The following CHST8 variants were observed in gnomAD, a reference collection of about 807,000 sequenced individuals.
CHST8 encodes the protein carbohydrate sulfotransferase 8, also known as GALNAC-4-ST1.
A neutral mutation model predicts 15.0 loss-of-function variants in CHST8; 10 were observed. The ratio of observed to expected loss-of-function variants is 0.67; its 90% confidence interval spans 0.41 to 1.13. CHST8 has a LOEUF of 1.13. Ranked by LOEUF, CHST8 falls within the 50% of genes most tolerant of loss-of-function variation. The pLI, the probability that CHST8 is intolerant of heterozygous loss-of-function variation, is 0.00. For synonymous variants in CHST8, 259 were observed against 256.6 expected (o/e 1.01, Z -0.09); for missense variants, 634 against 608.2 (o/e 1.04, Z -0.45).
chr19:33,728,438 T>C (rs952056198), intron 3 of CHST8, among the ~76,000 whole-genome samples: 9 of 152,230 alleles, frequency 5.9e-5, no homozygotes, highest in African/African-American at 2.2e-4. Flanking sequence ...CAGTGATGTC[T>C]TTCAGGGTTG....
At chr19:33,690,007 C>T (rs948326130) in intron 3 of CHST8, among the ~76,000 whole-genome samples, 10 of 152,078 alleles carry the variant, frequency 6.6e-5, no homozygotes, top group Non-Finnish European at 1.2e-4. Flanking sequence ...TCAGGGCAGA[C>T]GGAGTGTGGA....
intron 3 of CHST8, among the ~76,000 whole-genome samples, chr19:33,712,828 C>G (rs1214328251): frequency 2.0e-5 from 3 of 152,136 alleles, no homozygotes; most frequent in Non-Finnish European, 4.4e-5. Flanking sequence ...GCTGGGATCC[C>G]CTGCTCAGTG....
chr19:33,713,165 TGCTCACTGTCATCC>T (rs1358826794), intron 3 of CHST8, among the ~76,000 whole-genome samples: 1 of 152,152 alleles, frequency 6.6e-6, no homozygotes, highest in Non-Finnish European at 1.5e-5. Flanking sequence ...AGCCTAGCAG[TGCTCACTGTCATCC>T]CAAGACCTAA....
In CHST8 at chr19:33,772,436, C is replaced by A. The variant is rs911543105; in HGVS notation, c.648C>A (p.Ala216=). The change falls in exon 5 of 5, where the codon GCC becomes GCA. Residue 216 remains alanine, a synonymous_variant. Transcript: ENST00000650847. ...KRVLMVLAGL[A]SSTADIQHNT... Reference sequence around the variant, plus strand: ...TGCTCATGGTGCTGGCCGGCCTGGCCTCGTCCACTGCCGACATCCAGCACA... The same window carrying A: ...TGCTCATGGTGCTGGCCGGCCTGGCATCGTCCACTGCCGACATCCAGCACA... The A allele has an allele frequency of 4.3e-6, 7 of 1,611,574 alleles. No individual in the cohort carries two copies. Among genetic ancestry groups the A allele is most frequent in the African/African-American group, 1.3e-5 (1 of 74,944 alleles).
At chr19:33,767,522 T>C (rs77594035) in intron 3 of CHST8, among the ~76,000 whole-genome samples, 3,234 of 152,358 alleles carry the variant, frequency 0.021, 52 homozygotes, top group Non-Finnish European at 0.028. Context: ...GAGTTCACAC[T>C]GTGGAACACA....
chr19:33,723,763 C>G (rs1973843476), intron 3 of CHST8, among the ~76,000 whole-genome samples: 1 of 152,222 alleles, frequency 6.6e-6, no homozygotes, highest in Admixed American at 6.5e-5. Flanking sequence ...TCTGCTTCTC[C>G]TCTCGTGGGC....
chr19:33,757,407 AAAG>A (rs1974573214), intron 3 of CHST8, among the ~76,000 whole-genome samples: 1 of 5,736 alleles, frequency 1.7e-4, no homozygotes, highest in Non-Finnish European at 4.2e-4. Context: ...AGAAAGAAAG[AAAG>A]AAAGAAAGAA....
At chr19:33,671,075 C>G (rs985923024) in intron 2 of CHST8, among the ~76,000 whole-genome samples, 2 of 152,006 alleles carry the variant, frequency 1.3e-5, no homozygotes, top group African/African-American at 4.8e-5. Context: ...TCACATATAA[C>G]GAGCAGCTAA....
At chr19:33,739,037 A>G (rs1351861734) in intron 3 of CHST8, among the ~76,000 whole-genome samples, 3 of 152,130 alleles carry the variant, frequency 2.0e-5, no homozygotes, top group Admixed American at 6.5e-5. Flanking sequence ...CCGCATCCAC[A>G]GGGATCAGGC....
chr19:33,696,037 G>A (rs1164273298), intron 3 of CHST8, among the ~76,000 whole-genome samples: 1 of 151,768 alleles, frequency 6.6e-6, no homozygotes, highest in Non-Finnish European at 1.5e-5. Context: ...TGTTGGCCAG[G>A]CTGGTCTCAG....
chr19:33,737,818 T>C (rs1391601731), intron 3 of CHST8, among the ~76,000 whole-genome samples: 3 of 152,132 alleles, frequency 2.0e-5, no homozygotes, highest in African/African-American at 7.2e-5. Flanking sequence ...CTCACTCTCC[T>C]CCAAGCCCAT....
intron 3 of CHST8, among the ~76,000 whole-genome samples, chr19:33,692,841 A>T (rs1337250341): frequency 1.3e-5 from 2 of 152,154 alleles, no homozygotes; most frequent in Non-Finnish European, 2.9e-5. Flanking sequence ...GCAGTAGTGG[A>T]GTAGGATAGT....
intron 3 of CHST8, among the ~76,000 whole-genome samples, chr19:33,707,449 TCTC>T (rs576176543): frequency 6.6e-6 from 1 of 152,108 alleles, no homozygotes. Flanking sequence ...CAACTACAAA[TCTC>T]CTTTTTATCA....
At chr19:33,628,344 G>C (rs1600223492) in intron 1 of CHST8, among the ~76,000 whole-genome samples, 1 of 152,194 alleles carries the variant, frequency 6.6e-6, no homozygotes, top group South Asian at 2.1e-4. Flanking sequence ...TCACAACCAG[G>C]GAGGGACTTG....
intron 3 of CHST8, among the ~76,000 whole-genome samples, chr19:33,728,893 G>T (rs1392857716): frequency 6.6e-6 from 1 of 152,210 alleles, no homozygotes; most frequent in East Asian, 1.9e-4. Context: ...GAGGACAGAG[G>T]TGAGCTCCAT....
intron 2 of CHST8, among the ~76,000 whole-genome samples, chr19:33,679,750 G>A (rs544226535): frequency 6.6e-6 from 1 of 152,296 alleles, no homozygotes; most frequent in East Asian, 1.9e-4. Flanking sequence ...TAGTCTCTCT[G>A]GGTCTTCATT....
intron 1 of CHST8, among the ~76,000 whole-genome samples, chr19:33,662,380 A>G (rs1452221054): frequency 2.0e-5 from 3 of 152,156 alleles, no homozygotes; most frequent in African/African-American, 7.2e-5. Context: ...ACCCAGCTTG[A>G]AAGGACAATT....
chr19:33,772,345 T>G lies in CHST8; in HGVS notation c.557T>G (p.Val186Gly). The change falls in exon 5 of 5, where the codon GTG (valine) becomes GGG (glycine). Residue 186 changes from valine to glycine, a missense_variant. Physicochemically the swap from Val to Gly is moderately radical, Grantham distance 109. Coordinates refer to ENST00000650847, the MANE Select transcript of CHST8 (RefSeq NM_001127895.2). ...CCCCGCCACGTGTCCCGTATCTTCG[T>G]GGAGGACCGCCACCGCGTGCTCTAC... ...VTPRHVSRIF[V>G]EDRHRVLYCE... 6.2e-7 allele frequency: 1 copy of G among 1,606,838 alleles called. No individual in the cohort carries two copies. Among genetic ancestry groups the G allele is most frequent in the Non-Finnish European group, 8.5e-7 (1 of 1,179,206 alleles).
intron 3 of CHST8, among the ~76,000 whole-genome samples, chr19:33,701,983 T>C (rs1973346588): frequency 1.3e-5 from 2 of 152,182 alleles, no homozygotes; most frequent in African/African-American, 4.8e-5. Flanking sequence ...TATATGTTTG[T>C]TTGTTTGTTT....
Sources: allele counts gnomAD v4.1 joint callset (sites outside exome capture counted in the v4.1 genomes callset), GRCh38; gene constraint gnomAD v4.1.1; transcripts MANE v1.5; gene names NCBI Gene and HGNC (gene_info 2026-07-23, HGNC 2026-07-21).